Variants in GRM8 observed in about 807,000 individuals in gnomAD.
GRM8 encodes glutamate metabotropic receptor 8.
In GRM8, 47 loss-of-function variants were observed where a neutral mutation model predicts 87.2. The ratio of observed to expected loss-of-function variants is 0.54; its 90% CI spans 0.43 to 0.69. The LOEUF is 0.69. GRM8 is among the 30% of genes least tolerant of loss of function. The probability of loss-of-function intolerance (pLI) is 0.00; values close to 1 mark genes in which losing one functional copy is unlikely to be tolerated. For synonymous variants in GRM8, 396 were observed against 404.5 expected (o/e 0.98, Z 0.25); for missense variants, 1,019 against 1,139.2 (o/e 0.89, Z 1.52).
In GRM8 at chr7:126,855,956, C is replaced by T. The variant is rs149753779; in HGVS notation, c.1156+46586G>A. The stretch of plus-strand genomic sequence containing the variant: ...CTCCTGGCTTCCTGATGCCATTTGC[C>T]ATGTGAAGCTGTATGCCAGATGCTG... On this transcript the variant is annotated intron_variant, in intron 6 of 10. Coordinates refer to ENST00000339582, the MANE Select transcript of GRM8 (RefSeq NM_000845.3). Among the ~76,000 whole-genome samples the T allele has an allele frequency of 2.2e-3, 335 of 152,242 alleles. 1 individual carries two copies. Among genetic ancestry groups the T allele is most frequent in the African/African-American group, 7.7e-3 (321 of 41,562 alleles).
At chr7:126,550,408 G>A (rs772937117) in intron 8 of GRM8, among the ~76,000 whole-genome samples, 9 of 151,746 alleles carry the variant, frequency 5.9e-5, no homozygotes, top group South Asian at 2.1e-4. Context: ...CACCGCACCC[G>A]GCCGAAAAAG....
intron 6 of GRM8, among the ~76,000 whole-genome samples, chr7:126,793,039 C>T (rs1277031011): frequency 1.3e-5 from 2 of 152,174 alleles, no homozygotes; most frequent in African/African-American, 4.8e-5. Context: ...AGCCCCTGTA[C>T]CTTCTTTTCC....
chr7:127,064,784 C>T (rs919291828), intron 3 of GRM8, among the ~76,000 whole-genome samples: 5 of 152,198 alleles, frequency 3.3e-5, no homozygotes, highest in African/African-American at 9.7e-5. Context: ...TATCACCGAT[C>T]ATTAGAGAAT....
intron 3 of GRM8, among the ~76,000 whole-genome samples, chr7:126,907,240 T>TGGA (rs1162914765): frequency 2.9e-5 from 3 of 103,788 alleles, no homozygotes; most frequent in Non-Finnish European, 5.5e-5. Flanking sequence ...GAGGAAGAGA[T>TGGA]GGAGGAGGAG....
chr7:127,027,011 A>T (rs1298704693), intron 3 of GRM8, among the ~76,000 whole-genome samples: 1 of 152,120 alleles, frequency 6.6e-6, no homozygotes, highest in East Asian at 1.9e-4. Flanking sequence ...TAATTTTTGT[A>T]TAAGGTATAA....
intron 6 of GRM8, among the ~76,000 whole-genome samples, chr7:126,827,355 G>A (rs1563224781): frequency 6.6e-6 from 1 of 152,204 alleles, no homozygotes; most frequent in African/African-American, 2.4e-5. Context: ...AGGATGGAAT[G>A]TTCTTCCATT....
chr7:126,963,024 A>G lies in GRM8; in HGVS notation c.728-58341T>C, dbSNP rs555145499. On this transcript the variant is annotated intron_variant, in intron 3 of 10. Transcript: ENST00000339582. ...ATACATATACATTACCTGTGTTTACATCAATGAATTTATTCAACTATTCTG... is the reference window on the plus strand; with the variant it reads ...ATACATATACATTACCTGTGTTTACGTCAATGAATTTATTCAACTATTCTG... Among the ~76,000 whole-genome samples, 4 of 152,346 alleles carry G rather than the reference A, an allele frequency of 2.6e-5. No homozygotes were observed. In the South Asian group the frequency reaches 8.3e-4, roughly 32 times the overall value.
chr7:126,793,544 T>C (rs1821601886), intron 6 of GRM8, among the ~76,000 whole-genome samples: 1 of 152,196 alleles, frequency 6.6e-6, no homozygotes, highest in Admixed American at 6.5e-5. Context: ...AAGAGTTATA[T>C]AAACCTGATT....
rs917568112 is a variant in GRM8, at chr7:126,476,668, G to C, written c.2431-30296C>G. Among the ~76,000 whole-genome samples, 10 of 151,854 alleles carry C rather than the reference G, an allele frequency of 6.6e-5. No individual in the cohort carries two copies. In the East Asian group the frequency reaches 1.9e-3, roughly 29 times the overall value. On this transcript the variant is annotated intron_variant, in intron 9 of 10. Transcript: ENST00000339582. ...ACACTCAACAATAATAATCACCAAG[G>C]AAATGCAAATCAAAACAACAATGAC...
rs73224929 is a variant in GRM8 at position 126,486,973 on chromosome 7, T to C, written c.2431-40601A>G. On this transcript the variant is annotated intron_variant, in intron 9 of 10. Transcript: ENST00000339582. ...ATTTCCAAAACACTTATAACCAGAC[T>C]TGAGCATCAGTCACCACAAATTTTA... 6.0e-3 allele frequency among the ~76,000 whole-genome samples: 911 copies of C among 152,204 alleles called. 7 individuals are homozygous for C. The highest frequency in any genetic ancestry group is 9.7e-3 in the Non-Finnish European group (657 of 67,992).
intron 9 of GRM8, chr7:126,512,669 T>C (rs1264750829): frequency 6.6e-6 from 1 of 152,168 alleles, no homozygotes; most frequent in Non-Finnish European, 1.5e-5. Context: ...TCAGCACTCC[T>C]TCAAAAGCAA....
At chr7:126,914,936 T>A (rs1294534864) in intron 3 of GRM8, among the ~76,000 whole-genome samples, 1 of 152,140 alleles carries the variant, frequency 6.6e-6, no homozygotes, top group Non-Finnish European at 1.5e-5. Flanking sequence ...GATGCTTTTT[T>A]AAAAAAGAAA....
intron 7 of GRM8, among the ~76,000 whole-genome samples, chr7:126,736,443 C>T (rs1434488378): frequency 1.3e-5 from 2 of 151,900 alleles, no homozygotes; most frequent in Non-Finnish European, 2.9e-5. Flanking sequence ...ATACTCAGCC[C>T]ATCCTGTAAT....
chr7:127,178,326 A>C (rs570565652), intron 2 of GRM8, among the ~76,000 whole-genome samples: 38 of 152,306 alleles, frequency 2.5e-4, no homozygotes, highest in Middle Eastern at 3.4e-3. Context: ...GAAAATATGA[A>C]TAAAGCCTCC....
At chr7:126,773,808 C>A (rs946702184) in intron 6 of GRM8, among the ~76,000 whole-genome samples, 1 of 152,040 alleles carries the variant, frequency 6.6e-6, no homozygotes, top group South Asian at 2.1e-4. Flanking sequence ...CCAGCCTGGG[C>A]AGCAGAGTGA....
chr7:126,709,444 A>AGAAGAGGAAGAAGAGGACGAAAAAGAG (rs1563112416), intron 7 of GRM8, among the ~76,000 whole-genome samples: 1 of 150,896 alleles, frequency 6.6e-6, no homozygotes, highest in Non-Finnish European at 1.5e-5. Flanking sequence ...AGGAGGAGGA[A>AGAAGAGGAAGAAGAGGACGAAAAAGAG]GAAGAGGAAG....
chr7:126,952,880 A>G (rs981418132), intron 3 of GRM8, among the ~76,000 whole-genome samples: 1 of 152,106 alleles, frequency 6.6e-6, no homozygotes, highest in African/African-American at 2.4e-5. Flanking sequence ...GGGATCCTGA[A>G]CAGAATCCTG....
intron 3 of GRM8, among the ~76,000 whole-genome samples, chr7:127,000,356 C>G (rs924551582): frequency 1.3e-5 from 2 of 151,408 alleles, no homozygotes; most frequent in African/African-American, 4.8e-5. Context: ...TGACTATAGT[C>G]AATAATAACT....
At chr7:127,017,017 TAA>T (rs975070402) in intron 3 of GRM8, among the ~76,000 whole-genome samples, 1 of 152,116 alleles carries the variant, frequency 6.6e-6, no homozygotes, top group Non-Finnish European at 1.5e-5. Context: ...GCAATTGTGC[TAA>T]CTTTCCTAAG....
Sources: gnomAD v4.1 joint callset for allele counts (sites outside exome capture counted in the v4.1 genomes callset) on GRCh38, gnomAD v4.1.1 for gene constraint, MANE v1.5 for transcripts, NCBI Gene and HGNC (gene_info 2026-07-23, HGNC 2026-07-21) for gene names.